Variants in DNAH17 observed in about 807,000 individuals in gnomAD.
DNAH17 encodes dynein axonemal heavy chain 17.
In DNAH17, 376 loss-of-function variants were observed where a neutral mutation model predicts 485.6. The ratio of observed to expected loss-of-function variants is 0.77; its 90% CI spans 0.71 to 0.84. The LOEUF (loss-of-function observed/expected upper bound fraction) is 0.84, where lower values mean the gene tolerates loss of function less well. Among genes scored for constraint, DNAH17 ranks in the 40% least tolerant of loss-of-function variants. The pLI is 0.00. For missense variants in DNAH17, 6,370 were observed against 5,839.3 expected (o/e 1.09, Z -2.96); for synonymous variants, 3,031 against 2,405.9 (o/e 1.26, Z -7.60).
chr17:78,541,360 G>GGTGGGTAGATGTGTAA (rs1276524182), intron 17 of DNAH17, among the ~76,000 whole-genome samples: 1 of 147,358 alleles, frequency 6.8e-6, no homozygotes, highest in African/African-American at 2.5e-5. Flanking sequence ...AGATGAATGT[G>GGTGGGTAGATGTGTAA]GTGGGTAGAT....
At chr17:78,524,032 C>T (rs2091000068) in intron 25 of DNAH17, among the ~76,000 whole-genome samples, 1 of 152,222 alleles carries the variant, frequency 6.6e-6, no homozygotes, top group Admixed American at 6.5e-5. Context: ...AATATTCCCC[C>T]CAAAATTTCT....
Position 78,485,654 on chromosome 17 carries a change from C to T in DNAH17, c.7379G>A (p.Gly2460Asp). 6.2e-7 allele frequency: 1 copy of T among 1,613,976 alleles called. No individual in the cohort carries two copies. The highest frequency in any genetic ancestry group is 8.5e-7 in the Non-Finnish European group (1 of 1,179,876). Residue 2460 changes from glycine to aspartate, a missense_variant, in exon 47 of 81, where the codon GGC becomes GAC. Gly to Asp is a moderately conservative substitution (Grantham distance 94). Coordinates refer to ENST00000389840, the MANE Select transcript of DNAH17 (RefSeq NM_173628.4). ...CTTGTCCCCCATCAGCACCGACTTGCCCGTCCCCGCGTTCCCCACCAGCAT... is the reference window on the plus strand; with the variant it reads ...CTTGTCCCCCATCAGCACCGACTTGTCCGTCCCCGCGTTCCCCACCAGCAT... ...PVMLVGNAGTGKSVLMGDKLE... is the reference protein window; with the variant it reads ...PVMLVGNAGTDKSVLMGDKLE...
intron 12 of DNAH17, 29 bp from the exon 13 acceptor site, chr17:78,560,964 C>A (rs950241095): frequency 1.3e-6 from 2 of 1,536,576 alleles, no homozygotes; most frequent in Non-Finnish European, 1.8e-6. Flanking sequence ...GGCGAGGCCC[C>A]ACTGGATATC....
intron 54 of DNAH17, among the ~76,000 whole-genome samples, chr17:78,469,685 C>G (rs1046190537): frequency 6.6e-6 from 1 of 152,190 alleles, no homozygotes; most frequent in Admixed American, 6.5e-5. Context: ...TCCATCCATG[C>G]ATGAACAGGT....
In DNAH17 at chr17:78,454,289, A is replaced by T. The variant is rs140039495; in HGVS notation, c.10406+181T>A. Among the ~76,000 whole-genome samples, 572 of 152,276 alleles carry T rather than the reference A, an allele frequency of 3.8e-3. 4 individuals carry two copies. The highest frequency in any genetic ancestry group is 0.012 in the African/African-American group (509 of 41,552). ...GAGCAGCAGGTGATGGGGACAGGGG[A>T]AGGGAAAAGAGCTCCTCATTTCATT... On this transcript the variant is annotated intron_variant, in intron 64 of 80. Transcript: ENST00000389840.
rs569891381 is a variant in DNAH17 at position 78,440,830 on chromosome 17, G to A, written c.11677+221C>T. ...CCACCAGACTGTTTTCCACAGCAGC[G>A]GCCCCATTTTACATCCGCTCAGCAA... On this transcript the variant is annotated intron_variant, in intron 72 of 80. Transcript: ENST00000389840. Among the ~76,000 whole-genome samples, 8 of 152,250 alleles carry A rather than the reference G, an allele frequency of 5.3e-5. No individual in the cohort carries two copies. The East Asian group carries it at 5.8e-4, about 11-fold the overall frequency.
At chr17:78,577,000 T>A (rs2092442075) in intron 1 of DNAH17, among the ~76,000 whole-genome samples, 1 of 152,232 alleles carries the variant, frequency 6.6e-6, no homozygotes, top group South Asian at 2.1e-4. Context: ...CCTTCAGGAC[T>A]CCACAGGAGG....
At position 78,455,828 on chromosome 17, in the gene DNAH17, C is replaced by G; in HGVS notation, c.9986G>C (p.Gly3329Ala). 6.2e-7 allele frequency: 1 copy of G among 1,601,754 alleles called. No individual in the cohort carries two copies. The highest frequency in any genetic ancestry group is 1.3e-5 in the African/African-American group (1 of 74,360). ...GCGGATGTTTTCCGATGCTAATCCC[C>G]CGACCAGCCTAAAGTGGGATGAGAG... is the stretch of plus-strand genomic sequence containing the variant. ...RVILLANRLV[G>A]GLASENIRWA... is the part of the protein sequence containing the mutation. The change falls in exon 63 of 81, where the codon GGG (glycine) becomes GCG (alanine). Residue 3329 changes from glycine (G) to alanine (A), a missense_variant. Transcript: ENST00000389840.
chr17:78,427,643 T>A (rs1453502252), intron 77 of DNAH17, among the ~76,000 whole-genome samples: 1 of 152,188 alleles, frequency 6.6e-6, no homozygotes, highest in Non-Finnish European at 1.5e-5. Context: ...AGTCCTGTAC[T>A]TAGCTAGTAC....
At chr17:78,478,390 C>T (rs903330319) in intron 51 of DNAH17, among the ~76,000 whole-genome samples, 1 of 151,328 alleles carries the variant, frequency 6.6e-6, no homozygotes, top group Non-Finnish European at 1.5e-5. Flanking sequence ...CCACTATTAT[C>T]ATCAGCACCA....
chr17:78,525,404 C>T (rs2091041212), intron 24 of DNAH17, among the ~76,000 whole-genome samples: 1 of 152,224 alleles, frequency 6.6e-6, no homozygotes, highest in Admixed American at 6.5e-5. Flanking sequence ...GGACTGACTC[C>T]CAATGGGCAT....
At chr17:78,502,527 G>T in intron 33 of DNAH17, 64 bp downstream of exon 33, 2 of 1,447,514 alleles carry the variant, frequency 1.4e-6, no homozygotes, top group Non-Finnish European at 1.9e-6. Context: ...AGGATACACG[G>T]GCCCATGCAC....
chr17:78,445,725 C>T (rs904645079), intron 69 of DNAH17, 45 bp from the exon 70 acceptor site: 16 of 1,571,478 alleles, frequency 1.0e-5, no homozygotes, highest in Middle Eastern at 1.7e-4. Context: ...GCCAGTAAAA[C>T]GTCAGCAGCC....
At chr17:78,471,099 G>C (rs967052754) in intron 54 of DNAH17, among the ~76,000 whole-genome samples, 6 of 152,122 alleles carry the variant, frequency 3.9e-5, no homozygotes, top group Admixed American at 3.3e-4. Context: ...TAAAAAACAA[G>C]ACCTATGGGC....
intron 36 of DNAH17, 143 bp from the exon 37 acceptor site, chr17:78,499,255 G>A (rs1001852209): frequency 1.8e-6 from 1 of 560,070 alleles, no homozygotes; most frequent in Non-Finnish European, 3.0e-6. Context: ...CCTTCCGCAG[G>A]CCAGCAGGCA....
At chr17:78,568,648 C>G (rs775486193) in intron 9 of DNAH17, among the ~76,000 whole-genome samples, 3 of 152,144 alleles carry the variant, frequency 2.0e-5, no homozygotes, top group African/African-American at 4.8e-5. Context: ...TGCAGTGGCG[C>G]AATCATGACT....
rs1258057210 is a variant in DNAH17, at chr17:78,458,624, C to A, written c.9918G>T (p.Glu3306Asp). ...CGGCCTCTTGCTGACACTTGATTTT[C>A]TCAGCTGTTGCTTTTTCAAACGCTG... is the stretch of plus-strand genomic sequence containing the variant. The part of the protein sequence containing the change: ...LTSAFEKATA[E>D]KIKCQQEADA... The change falls in exon 62 of 81, where the codon GAG becomes GAT. Residue 3306 changes from glutamate (E) to aspartate (D), a missense_variant. Physicochemically the swap from Glu to Asp is conservative, Grantham distance 45. Coordinates refer to ENST00000389840, the MANE Select transcript of DNAH17 (RefSeq NM_173628.4). The A allele has an allele frequency of 1.2e-6, 2 of 1,613,920 alleles. No individual in the cohort carries two copies. Among genetic ancestry groups the A allele is most frequent in the Admixed American group, 3.3e-5 (2 of 60,004 alleles).
chr17:78,451,122 C>A (rs976356806), intron 66 of DNAH17, among the ~76,000 whole-genome samples: 4 of 152,368 alleles, frequency 2.6e-5, no homozygotes, highest in African/African-American at 9.6e-5. Flanking sequence ...GTGGCTATAA[C>A]AGCCAGAAAT....
chr17:78,440,246 T>C (rs2087019953), intron 72 of DNAH17, among the ~76,000 whole-genome samples: 3 of 17,238 alleles, frequency 1.7e-4, no homozygotes, highest in Non-Finnish European at 2.8e-4. Flanking sequence ...ACTTCATGCT[T>C]TTTTTTTTTT....
Sources: gnomAD v4.1 joint callset for allele counts (sites outside exome capture counted in the v4.1 genomes callset) on GRCh38, gnomAD v4.1.1 for gene constraint, MANE v1.5 for transcripts, NCBI Gene and HGNC (gene_info 2026-07-23, HGNC 2026-07-21) for gene names.